The following MMD variants were observed in gnomAD, a reference collection of about 807,000 sequenced individuals.
MMD encodes the protein monocyte to macrophage differentiation associated.
MMD carries 22 observed loss-of-function variants against 33.6 expected under a neutral mutation model. That is an observed-to-expected ratio of 0.66 (90% CI 0.47 to 0.94). The LOEUF is 0.94. Among genes scored for constraint, MMD ranks in the 40% least tolerant of loss-of-function variants. The pLI, the probability that MMD is intolerant of heterozygous loss-of-function variation, is 0.00. For missense variants in MMD, 242 were observed against 309.8 expected, an observed-to-expected ratio of 0.78 and a Z score of 1.64; for synonymous variants, 97 against 103.2, an observed-to-expected ratio of 0.94 and a Z score of 0.36.
intron 1 of MMD, chr17:55,420,083 G>C (rs1908118419): frequency 6.6e-6 from 1 of 152,082 alleles, no homozygotes; most frequent in Admixed American, 6.6e-5. Context: ...ATTGAACAGG[G>C]TTTGTTTGTT....
chr17:55,397,570 G>C (rs551893612), intron 6 of MMD, among the ~76,000 whole-genome samples: 2 of 151,506 alleles, frequency 1.3e-5, no homozygotes, highest in African/African-American at 4.8e-5. Flanking sequence ...TGTTGCCTAG[G>C]CTGGAGTGCA....
chr17:55,421,831 G>A lies in MMD; in HGVS notation c.-136C>T. The A allele has an allele frequency of 9.8e-7, 1 of 1,020,172 alleles. No individual in the cohort carries two copies. The highest frequency in any genetic ancestry group is 1.4e-6 in the Non-Finnish European group (1 of 734,542). The allele number at this position is 1,020,172 out of a possible 1,614,324, so 63.2% of individuals were successfully genotyped here. A position where few individuals can be genotyped will look rare whatever the true frequency, so the allele number is the denominator to read the frequency against. On this transcript the variant is annotated 5_prime_UTR_variant, in exon 1 of 7. Transcript: ENST00000262065. The stretch of plus-strand genomic sequence containing the variant: ...CGGAACCCTTCGGCCGGGTAGGGTC[G>A]GAGTGGGCCAGGCCGGGGGTCGGGA...
intron 3 of MMD, among the ~76,000 whole-genome samples, chr17:55,409,620 C>T (rs1439378054): frequency 6.6e-6 from 1 of 152,184 alleles, no homozygotes; most frequent in Non-Finnish European, 1.5e-5. Context: ...CTCACTTTTA[C>T]TTAAATAAGG....
chr17:55,411,724 A>T (rs75927342), intron 2 of MMD, among the ~76,000 whole-genome samples: 1 of 152,198 alleles, frequency 6.6e-6, no homozygotes, highest in African/African-American at 2.4e-5. Flanking sequence ...ATTTCATTAA[A>T]TAAGGACATG....
chr17:55,411,251 C>T lies in MMD; in HGVS notation c.269+6G>A, dbSNP rs1450201166. 2 of 1,610,858 alleles carry T rather than the reference C, an allele frequency of 1.2e-6. No individual in the cohort carries two copies. The highest frequency in any genetic ancestry group is 3.4e-5 in the Admixed American group (2 of 59,488). ...ATCTGTTGAAACAGCATGTCATCCA[C>T]TGTACCTTAAGTGGCTCTTTTTCCA... On this transcript the variant is annotated splice_donor_region_variant and intron_variant, in intron 3 of 6. Coordinates refer to ENST00000262065, the MANE Select transcript of MMD (RefSeq NM_012329.3).
intron 4 of MMD, 99 bp from the exon 5 acceptor site, chr17:55,403,967 C>A: frequency 1.0e-6 from 1 of 975,456 alleles, no homozygotes; most frequent in South Asian, 1.6e-5. Flanking sequence ...AGGATAAGAG[C>A]AGGAAGAAAA....
intron 1 of MMD, among the ~76,000 whole-genome samples, chr17:55,418,008 C>G (rs1200069834): frequency 1.3e-5 from 2 of 152,200 alleles, no homozygotes; most frequent in Non-Finnish European, 2.9e-5. Flanking sequence ...CACCTCCTTT[C>G]TGCTCCTTAA....
intron 6 of MMD, among the ~76,000 whole-genome samples, chr17:55,400,193 A>G (rs1907271480): frequency 6.6e-6 from 1 of 152,230 alleles, no homozygotes; most frequent in Non-Finnish European, 1.5e-5. Context: ...ACAGAACCAG[A>G]TTTGAAACTT....
intron 6 of MMD, among the ~76,000 whole-genome samples, chr17:55,397,766 T>C (rs1208126854): frequency 2.0e-5 from 3 of 152,202 alleles, no homozygotes; most frequent in South Asian, 2.1e-4. Context: ...GGTCTTGAAC[T>C]CCTGACTTCA....
intron 2 of MMD, among the ~76,000 whole-genome samples, chr17:55,412,138 C>G (rs967433881): frequency 5.3e-5 from 8 of 152,134 alleles, no homozygotes; most frequent in Admixed American, 5.2e-4. Context: ...AATATCTGTC[C>G]TATTGCAATT....
chr17:55,421,143 T>G (rs1253559019), intron 1 of MMD, among the ~76,000 whole-genome samples: 1 of 152,240 alleles, frequency 6.6e-6, no homozygotes, highest in Admixed American at 6.5e-5. Context: ...GTTTCCCTGT[T>G]GCTAGGGCCG....
chr17:55,402,352 A>T (rs928963874), intron 5 of MMD, among the ~76,000 whole-genome samples: 5 of 152,172 alleles, frequency 3.3e-5, no homozygotes, highest in Non-Finnish European at 7.3e-5. Context: ...TTGCACCTGC[A>T]CAAACTGTAA....
At chr17:55,411,921 T>A (rs1907780257) in intron 2 of MMD, among the ~76,000 whole-genome samples, 1 of 152,032 alleles carries the variant, frequency 6.6e-6, no homozygotes, top group Admixed American at 6.6e-5. Context: ...TACAAAAATT[T>A]AAAAAATTCG....
chr17:55,410,263 A>G (rs1476864922), intron 3 of MMD, among the ~76,000 whole-genome samples: 1 of 152,238 alleles, frequency 6.6e-6, no homozygotes, highest in East Asian at 1.9e-4. Flanking sequence ...ACCAGTAATC[A>G]TCTCATAAAT....
At chr17:55,402,598 G>T (rs144494039) in intron 5 of MMD, among the ~76,000 whole-genome samples, 147 of 152,268 alleles carry the variant, frequency 9.7e-4, no homozygotes, top group African/African-American at 3.3e-3. Context: ...CTCATTCATC[G>T]TGTTTTATAC....
intron 6 of MMD, among the ~76,000 whole-genome samples, chr17:55,399,249 A>G (rs1250794966): frequency 6.6e-6 from 1 of 152,186 alleles, no homozygotes; most frequent in African/African-American, 2.4e-5. Context: ...TCAGAGCCAA[A>G]AAAACAGTTG....
chr17:55,414,169 A>T lies in MMD; in HGVS notation c.90T>A (p.Ala30=). 1 of 1,613,938 alleles carries T rather than the reference A, an allele frequency of 6.2e-7. No individual in the cohort carries two copies. Among genetic ancestry groups the T allele is most frequent in the South Asian group, 1.1e-5 (1 of 91,084 alleles). Residue 30 remains alanine (A), a synonymous_variant, in exon 2 of 7, where the codon GCT becomes GCA. Transcript: ENST00000262065. ...RYKPTCYEHA[A]NCYTHAFLIV... ...TACTCACTGCGTGTGTGTAACAGTTAGCAGCATGTTCATAGCAAGTTGGCT... is the reference window on the plus strand; with the variant it reads ...TACTCACTGCGTGTGTGTAACAGTTTGCAGCATGTTCATAGCAAGTTGGCT...
intron 3 of MMD, among the ~76,000 whole-genome samples, chr17:55,408,030 T>C (rs547178926): frequency 6.6e-6 from 1 of 152,334 alleles, no homozygotes; most frequent in Admixed American, 6.5e-5. Context: ...GCACATACAA[T>C]AGATTCTCTC....
intron 6 of MMD, among the ~76,000 whole-genome samples, chr17:55,395,118 C>T (rs917122877): frequency 1.3e-5 from 2 of 152,206 alleles, no homozygotes; most frequent in Non-Finnish European, 2.9e-5. Context: ...ATTTCCTAGC[C>T]TTCTAGATGT....
Sources: allele counts gnomAD v4.1 joint callset (sites outside exome capture counted in the v4.1 genomes callset), GRCh38; gene constraint gnomAD v4.1.1; transcripts MANE v1.5; gene names NCBI Gene and HGNC (gene_info 2026-07-23, HGNC 2026-07-21).